Variants in DGKK observed in about 807,000 individuals in gnomAD.
The protein encoded by DGKK is diacylglycerol kinase kappa.
A neutral mutation model predicts 92.2 loss-of-function variants in DGKK; 35 were observed. The ratio of observed to expected loss-of-function variants is 0.38; its 90% confidence interval spans 0.29 to 0.50. The LOEUF (loss-of-function observed/expected upper bound fraction) is 0.50, where lower values mean the gene tolerates loss of function less well. Among genes scored for constraint, DGKK ranks in the 20% least tolerant of loss-of-function variants. The pLI is 0.92. For missense variants in DGKK, 910 were observed against 992.2 expected (o/e 0.92, Z 1.11); for synonymous variants, 368 against 360.6 (o/e 1.02, Z -0.23).
chrX:50,425,865 T>G (rs1218184282), intron 1 of DGKK, among the ~76,000 whole-genome samples: 2 of 111,977 alleles, frequency 1.8e-5, no homozygotes, highest in Non-Finnish European at 3.8e-5. Flanking sequence ...AGAAAACAAC[T>G]GCTATAAGCA....
intron 1 of DGKK, among the ~76,000 whole-genome samples, chrX:50,447,779 G>A (rs1357535760): frequency 2.7e-5 from 3 of 109,792 alleles, no homozygotes; most frequent in Non-Finnish European, 3.8e-5. Flanking sequence ...GATTTCCAGT[G>A]AGAAATTCTC....
chrX:50,424,720 G>T (rs1770855126), intron 1 of DGKK, among the ~76,000 whole-genome samples: 1 of 111,768 alleles, frequency 8.9e-6, no homozygotes, highest in South Asian at 3.8e-4. Context: ...AGATTTTCTG[G>T]AAGTCTCCAG....
At chrX:50,370,917 G>A (rs1320229597) in intron 26 of DGKK, among the ~76,000 whole-genome samples, 7 of 112,284 alleles carry the variant, frequency 6.2e-5, no homozygotes, top group African/African-American at 1.6e-4. Flanking sequence ...GATTGCTAGC[G>A]CCACTGCTAG....
chrX:50,407,955 A>T (rs782736227), intron 4 of DGKK, among the ~76,000 whole-genome samples: 1 of 112,860 alleles, frequency 8.9e-6, no homozygotes, highest in South Asian at 3.6e-4. Flanking sequence ...GAGATTCTAT[A>T]GGCATGAAAC....
Position 50,375,071 on chromosome X carries a change from A to G in DGKK, c.3415-14T>C, listed in dbSNP as rs782003748. ...TCTGCTTAGAGTCTGAGAGGAAAAG[A>G]ACGGAAAAGGAGAGAAAAAGACAAA... On this transcript the variant is annotated splice_polypyrimidine_tract_variant and intron_variant, in intron 24 of 27. Transcript: ENST00000611977. 3.4e-5 allele frequency: 40 copies of G among 1,168,444 alleles called. 1 individual carries two copies. Among genetic ancestry groups the G allele is most frequent in the Non-Finnish European group, 5.8e-6 (5 of 860,306 alleles).
At chrX:50,419,300 G>A (rs1392510966) in intron 4 of DGKK, among the ~76,000 whole-genome samples, 1 of 111,546 alleles carries the variant, frequency 9.0e-6, no homozygotes, top group Non-Finnish European at 1.9e-5. Flanking sequence ...TTGCTATAGG[G>A]AGGAGAATGT....
At chrX:50,401,178 G>A (rs375757973) in intron 7 of DGKK, 39 bp from the exon 8 acceptor site, 1 of 1,091,229 alleles carries the variant, frequency 9.2e-7, no homozygotes, top group African/African-American at 1.8e-5. Flanking sequence ...AAAAAGGAGG[G>A]GGAGAGAAAA....
Position 50,392,326 on chromosome X carries a change from C to T in DGKK, c.1704+15G>A, listed in dbSNP as rs1557225646. ...CTTTCTAGCAATGGCTAAACTGAGT[C>T]ATCCAGGGACTTACCTTTTCATGTA... is the stretch of plus-strand genomic sequence containing the variant. On this transcript the variant is annotated intron_variant, in intron 10 of 27. Coordinates refer to ENST00000611977, the MANE Select transcript of DGKK (RefSeq NM_001013742.4). The T allele has an allele frequency of 1.7e-6, 2 of 1,171,726 alleles. No homozygotes were observed. The highest frequency in any genetic ancestry group is 1.8e-5 in the South Asian group (1 of 55,573).
rs782350780 is a variant in DGKK, at chrX:50,386,508, T to C, written c.2197A>G (p.Ser733Gly). The C allele has an allele frequency of 1.7e-6, 2 of 1,209,008 alleles. No individual in the cohort carries two copies. Among genetic ancestry groups the C allele is most frequent in the African/African-American group, 3.5e-5 (2 of 57,061 alleles). Residue 733 changes from serine (S) to glycine (G), a missense_variant, in exon 15 of 28, where the codon AGT becomes GGT. Physicochemically the swap from Ser to Gly is moderately conservative, Grantham distance 56. Transcript: ENST00000611977. ...CTGCTGTCTGCATATTCTGTAGCACTTTTTTCAGCAGAAGTAGCTGCTGCC... is the reference window on the plus strand; with the variant it reads ...CTGCTGTCTGCATATTCTGTAGCACCTTTTTCAGCAGAAGTAGCTGCTGCC... ...EEAAATSAEK[S>G]ATEYADSSKA...
chrX:50,406,810 T>C (rs1404789793), intron 4 of DGKK, among the ~76,000 whole-genome samples: 1 of 112,003 alleles, frequency 8.9e-6, no homozygotes, highest in East Asian at 2.8e-4. Context: ...TTTTAAGCCA[T>C]CCAGTTTGTA....
chrX:50,446,522 C>A (rs987980139), intron 1 of DGKK, among the ~76,000 whole-genome samples: 1 of 111,201 alleles, frequency 9.0e-6, no homozygotes, highest in Non-Finnish European at 1.9e-5. Context: ...TGTATATCTT[C>A]TTGGATGAAA....
At chrX:50,409,590 A>G (rs1284984155) in intron 4 of DGKK, among the ~76,000 whole-genome samples, 9 of 112,134 alleles carry the variant, frequency 8.0e-5, no homozygotes, top group African/African-American at 2.9e-4. Flanking sequence ...TCTAAATGCT[A>G]AAGAAAGTAG....
chrX:50,373,458 A>T (rs1371804475), intron 25 of DGKK, among the ~76,000 whole-genome samples: 1 of 112,049 alleles, frequency 8.9e-6, no homozygotes, highest in Admixed American at 9.4e-5. Context: ...ACCAATTTTC[A>T]GGTCATGAGC....
At chrX:50,397,718 G>A (rs1924890715) in intron 8 of DGKK, among the ~76,000 whole-genome samples, 1 of 111,944 alleles carries the variant, frequency 8.9e-6, no homozygotes, top group Non-Finnish European at 1.9e-5. Context: ...GCTCAGCATT[G>A]AGCCTTACAT....
chrX:50,464,204 T>G (rs1295828234), intron 1 of DGKK, among the ~76,000 whole-genome samples: 1 of 108,585 alleles, frequency 9.2e-6, no homozygotes, highest in Non-Finnish European at 1.9e-5. Flanking sequence ...ATTGAAGTAC[T>G]TCTTCTCTTT....
Position 50,425,560 on chromosome X carries a change from C to CAT in DGKK, c.646-1203_646-1202insAT, listed in dbSNP as rs111372094. Among the ~76,000 whole-genome samples, 945 of 110,520 alleles carry CAT rather than the reference C, an allele frequency of 8.6e-3. 6 individuals are homozygous for CAT. The highest frequency in any genetic ancestry group is 0.041 in the Middle Eastern group (9 of 218). On this transcript the variant is annotated intron_variant, in intron 1 of 27. Coordinates refer to ENST00000611977, the MANE Select transcript of DGKK (RefSeq NM_001013742.4). ...ACACACATACACACACACACACACA[C>CAT]GTACTCATACACACACATTTATACA...
At position 50,388,563 on chromosome X, in the gene DGKK, T is replaced by G; in HGVS notation, c.1982A>C (p.Lys661Thr). ...GATCATCTCTGTGGGGTACTTGGCC[T>G]TCAGGATTTTGTTCAACTCGGTGGC... ...SAATELNKILKAKYPTEMIIA... is the reference protein window; with the variant it reads ...SAATELNKILTAKYPTEMIIA... Residue 661 changes from lysine to threonine, a missense_variant, in exon 13 of 28, where the codon AAG becomes ACG. Lys to Thr is a moderately conservative substitution (Grantham distance 78). Coordinates refer to ENST00000611977, the MANE Select transcript of DGKK (RefSeq NM_001013742.4). The G allele has an allele frequency of 1.7e-6, 2 of 1,209,052 alleles. No individual in the cohort carries two copies. The highest frequency in any genetic ancestry group is 3.6e-5 in the South Asian group (2 of 56,292).
At chrX:50,447,359 TATATATATATTATATATATATATA>T (rs1926357925) in intron 1 of DGKK, among the ~76,000 whole-genome samples, 3 of 15,007 alleles carry the variant, frequency 2.0e-4, no homozygotes, top group African/African-American at 1.5e-3. Context: ...ATATATATAA[TATATATATATTATATATATATATA>T]ATATATATAT....
At chrX:50,384,125 G>C in intron 17 of DGKK, 43 bp downstream of exon 17, 5 of 885,741 alleles carry the variant, frequency 5.6e-6, no homozygotes, top group Non-Finnish European at 7.8e-6. Flanking sequence ...CTTAACAAGA[G>C]AAAGAAAGAA....
Sources: allele counts gnomAD v4.1 joint callset (sites outside exome capture counted in the v4.1 genomes callset), GRCh38; gene constraint gnomAD v4.1.1; transcripts MANE v1.5; gene names NCBI Gene and HGNC (gene_info 2026-07-23, HGNC 2026-07-21).